TMOD1: variants seen among roughly 807,000 people sequenced by gnomAD.
TMOD1 encodes the protein tropomodulin-1.
In TMOD1, 17 loss-of-function variants were observed where a neutral mutation model predicts 40.6. That is an observed-to-expected ratio of 0.42 (90% confidence interval 0.29 to 0.63). The LOEUF (loss-of-function observed/expected upper bound fraction) is 0.63, where lower values mean the gene tolerates loss of function less well. Ranked by LOEUF, TMOD1 falls within the 20% of genes least tolerant of loss-of-function variation. The pLI is 0.22. For missense variants in TMOD1, 391 were observed against 447.6 expected (o/e 0.87, Z 1.14); for synonymous variants, 181 against 175.0 (o/e 1.03, Z -0.27).
rs1564004598 is a variant in TMOD1, at chr9:97,601,615, A to T, written c.*1917A>T. ...AGGGGCTGGCAAACTTTTCTGTAAA[A>T]GGCCAGACAGTAAAAATTTCCGATT... On this transcript the variant is annotated 3_prime_UTR_variant, in exon 10 of 10. Coordinates refer to ENST00000259365, the MANE Select transcript of TMOD1 (RefSeq NM_003275.4). 2.0e-6 allele frequency: 2 copies of T among 987,114 alleles called. No homozygotes were observed. Among genetic ancestry groups the T allele is most frequent in the Non-Finnish European group, 2.4e-6 (2 of 831,080 alleles). The allele number at this position is 987,114 out of a possible 1,614,324, so 61.1% of individuals were successfully genotyped here.
In TMOD1 at chr9:97,546,248, T is replaced by A. The variant is rs1364273504; in HGVS notation, c.184T>A (p.Phe62Ile). Reference sequence around the variant, plus strand: ...GACCACCAAGGCGCCCACGGGCCCCTTTAAAAGAGAGGAGCTCTTGGATCA... The same window carrying A: ...GACCACCAAGGCGCCCACGGGCCCCATTAAAAGAGAGGAGCTCTTGGATCA... ...DQTTKAPTGP[F>I]KREELLDHLE... The change falls in exon 3 of 10, where the codon TTT (phenylalanine) becomes ATT (isoleucine). Residue 62 changes from phenylalanine to isoleucine, a missense_variant. Phe to Ile is a conservative substitution (Grantham distance 21). Coordinates refer to ENST00000259365, the MANE Select transcript of TMOD1 (RefSeq NM_003275.4). 1.2e-6 allele frequency: 2 copies of A among 1,613,850 alleles called. No homozygotes were observed. The highest frequency in any genetic ancestry group is 1.7e-6 in the Non-Finnish European group (2 of 1,179,988).
At chr9:97,580,682 A>G (rs1450423321) in intron 8 of TMOD1, among the ~76,000 whole-genome samples, 5 of 152,194 alleles carry the variant, frequency 3.3e-5, no homozygotes, top group African/African-American at 1.2e-4. Context: ...CTTGTACTCT[A>G]TGCAGTTTAG....
At chr9:97,510,497 C>T (rs1330153880) in intron 1 of TMOD1, among the ~76,000 whole-genome samples, 1 of 152,224 alleles carries the variant, frequency 6.6e-6, no homozygotes, top group East Asian at 1.9e-4. Context: ...TCCCAAAGTG[C>T]TGGGATTACA....
chr9:97,548,625 G>A (rs959604164), intron 3 of TMOD1, among the ~76,000 whole-genome samples: 8 of 152,134 alleles, frequency 5.3e-5, no homozygotes, highest in Non-Finnish European at 1.2e-4. Flanking sequence ...GAGTCTGAAC[G>A]GTACAGAAAT....
In TMOD1 at chr9:97,502,982, T is replaced by G. The variant is rs947389712; in HGVS notation, c.-49+1179T>G. Among the ~76,000 whole-genome samples the G allele has an allele frequency of 6.6e-6, 1 of 151,936 alleles. No homozygotes were observed. Among genetic ancestry groups the G allele is most frequent in the Non-Finnish European group, 1.5e-5 (1 of 67,978 alleles). On this transcript the variant is annotated intron_variant, in intron 1 of 9. Coordinates refer to ENST00000259365, the MANE Select transcript of TMOD1 (RefSeq NM_003275.4). The surrounding 1 kb of genome is among the most constrained non-coding windows in gnomAD (Gnocchi z 6.1). ...CACCGCTACTATTACAGACCCTGTC[T>G]CCAGCCCTCGCCCTATGCCCTCAGA...
chr9:97,524,221 T>A lies in TMOD1; in HGVS notation c.33T>A (p.Arg11=). The stretch of plus-strand genomic sequence containing the variant: ...ACAGACGAGAACTAGAGAAATACCG[T>A]GACCTGGATGAAGATGAAATCCTTG... MSYRRELEKY[R]DLDEDEILGA... The change falls in exon 2 of 10, where the codon CGT becomes CGA. Residue 11 remains arginine, a synonymous_variant. Transcript: ENST00000259365. 1 of 1,614,166 alleles carries A rather than the reference T, an allele frequency of 6.2e-7. No homozygotes were observed. Among genetic ancestry groups the A allele is most frequent in the Non-Finnish European group, 8.5e-7 (1 of 1,180,012 alleles).
intron 9 of TMOD1, among the ~76,000 whole-genome samples, chr9:97,592,437 AAAAAG>A (rs1264705608): frequency 1.3e-5 from 2 of 152,318 alleles, no homozygotes; most frequent in Admixed American, 6.5e-5. Context: ...TTGAAAAAAA[AAAAAG>A]AAAAGCCTCT....
intron 2 of TMOD1, among the ~76,000 whole-genome samples, chr9:97,542,471 A>T (rs950388885): frequency 8.5e-5 from 13 of 152,238 alleles, no homozygotes; most frequent in African/African-American, 3.1e-4. Flanking sequence ...GAAATACATT[A>T]AAAAATCTGT....
intron 4 of TMOD1, among the ~76,000 whole-genome samples, chr9:97,561,669 G>A (rs975340372): frequency 6.6e-6 from 1 of 152,180 alleles, no homozygotes; most frequent in African/African-American, 2.4e-5. Flanking sequence ...TGTCACAGCT[G>A]TGTCATCACT....
At chr9:97,556,767 G>A in intron 4 of TMOD1, among the ~76,000 whole-genome samples, 1 of 152,240 alleles carries the variant, frequency 6.6e-6, no homozygotes, top group Non-Finnish European at 1.5e-5. Flanking sequence ...GGAGGCACTT[G>A]GGGTAGGGCT....
chr9:97,571,740 C>T (rs1224919004), intron 8 of TMOD1, among the ~76,000 whole-genome samples: 1 of 152,244 alleles, frequency 6.6e-6, no homozygotes, highest in East Asian at 1.9e-4. Flanking sequence ...ACTCCAGAGT[C>T]CATGTATAAT....
chr9:97,568,748 A>G, intron 7 of TMOD1, 146 bp from the exon 8 acceptor site: 1 of 911,672 alleles, frequency 1.1e-6, no homozygotes. Context: ...GCAGGAGAGG[A>G]GAGACACAGT....
intron 1 of TMOD1, among the ~76,000 whole-genome samples, chr9:97,519,163 G>A (rs764472589): frequency 1.3e-4 from 20 of 152,282 alleles, no homozygotes; most frequent in South Asian, 2.1e-4. Context: ...CCGGCTGCCC[G>A]TGAAAGATTT....
chr9:97,599,522 ACT>A (rs1421983247), intron 9 of TMOD1, 110 bp from the exon 10 acceptor site: 3 of 1,341,982 alleles, frequency 2.2e-6, no homozygotes, highest in Non-Finnish European at 3.1e-6. Flanking sequence ...CAGACTTCAG[ACT>A]CTGTTAACAA....
At chr9:97,575,125 GGTCCACACTGCCTTTATGA>G (rs1262814483) in intron 8 of TMOD1, among the ~76,000 whole-genome samples, 1 of 152,124 alleles carries the variant, frequency 6.6e-6, no homozygotes, top group African/African-American at 2.4e-5. Flanking sequence ...TCACTCTTTG[GGTCCACACTGCCTTTATGA>G]GTTGTAACAC....
At chr9:97,539,971 C>CAAAAAAAAAAAAAAA (rs34844299) in intron 2 of TMOD1, among the ~76,000 whole-genome samples, 3 of 71,888 alleles carry the variant, frequency 4.2e-5, no homozygotes, top group Non-Finnish European at 5.4e-5. Context: ...GACTCTGTCT[C>CAAAAAAAAAAAAAAA]AAAAAAAAAA....
At chr9:97,595,142 CA>C (rs1167031402) in intron 9 of TMOD1, among the ~76,000 whole-genome samples, 1 of 152,098 alleles carries the variant, frequency 6.6e-6, no homozygotes, top group Non-Finnish European at 1.5e-5. Flanking sequence ...TTATGTGATA[CA>C]AAGTGCTGTT....
intron 2 of TMOD1, among the ~76,000 whole-genome samples, chr9:97,530,846 G>A (rs969007879): frequency 4.5e-5 from 6 of 133,060 alleles, no homozygotes; most frequent in Admixed American, 1.8e-4. Context: ...GGAGTGCAAC[G>A]GCGTGATCTC....
intron 9 of TMOD1, among the ~76,000 whole-genome samples, chr9:97,597,777 A>C (rs1398694805): frequency 6.6e-6 from 1 of 151,454 alleles, no homozygotes; most frequent in East Asian, 1.9e-4. Flanking sequence ...AGTGGACACA[A>C]TGAGGGCAAG....
Sources: allele counts gnomAD v4.1 joint callset (sites outside exome capture counted in the v4.1 genomes callset), GRCh38; gene constraint gnomAD v4.1.1; non-coding constraint Gnocchi (gnomAD v3.1); transcripts MANE v1.5; gene names NCBI Gene and HGNC (gene_info 2026-07-23, HGNC 2026-07-21).